The following DIP2B variants were observed in gnomAD, a reference collection of about 807,000 sequenced individuals.
DIP2B encodes DIP2 acetate--CoA ligase B (putative).
DIP2B carries 76 observed loss-of-function variants against 198.0 expected under a neutral mutation model. The observed-to-expected ratio is 0.38, with a 90% CI of 0.32 to 0.46. The LOEUF (loss-of-function observed/expected upper bound fraction) is 0.46. DIP2B is among the 20% of genes least tolerant of loss of function. DIP2B has a pLI of 0.99. For synonymous variants in DIP2B, 701 were observed against 739.1 expected (o/e 0.95, Z 0.84); for missense variants, 1,559 against 1,978.4 (o/e 0.79, Z 4.02).
chr12:50,513,082 A>G (rs1288876134), intron 1 of DIP2B, among the ~76,000 whole-genome samples: 1 of 152,204 alleles, frequency 6.6e-6, no homozygotes, highest in Non-Finnish European at 1.5e-5. Context: ...AGAAAAGCTG[A>G]GTATAGTATG....
intron 9 of DIP2B, among the ~76,000 whole-genome samples, chr12:50,682,628 CAAAAAAAAAA>C (rs58672851): frequency 7.1e-5 from 3 of 42,132 alleles, no homozygotes; most frequent in Admixed American, 2.9e-4. Context: ...GACTCTGTCT[CAAAAAAAAAA>C]AAAAAAAAAA....
chr12:50,693,465 A>G, intron 14 of DIP2B, among the ~76,000 whole-genome samples: 1 of 152,180 alleles, frequency 6.6e-6, no homozygotes, highest in East Asian at 1.9e-4. Context: ...CATGCCATAT[A>G]GGTGGAGAGA....
chr12:50,718,785 G>C lies in DIP2B; in HGVS notation c.2928G>C (p.Leu976=), dbSNP rs985904038. 8 of 1,614,046 alleles carry C rather than the reference G, an allele frequency of 5.0e-6. No individual in the cohort carries two copies. The African/African-American group carries it at 9.3e-5, about 19-fold the overall frequency. The change falls in exon 24 of 38, where the codon CTG becomes CTC. Residue 976 remains leucine (L), a synonymous_variant. Coordinates refer to ENST00000301180, the MANE Select transcript of DIP2B (RefSeq NM_173602.3). ...TAGCACAAGCTGCTGGAAGGGATCTGGGACAAATAGAAGAGAATGATTTGG... is the reference window on the plus strand; with the variant it reads ...TAGCACAAGCTGCTGGAAGGGATCTCGGACAAATAGAAGAGAATGATTTGG... ...KRIAQAAGRD[L]GQIEENDLVR...
chr12:50,631,156 A>C (rs111768681), intron 2 of DIP2B, among the ~76,000 whole-genome samples: 1 of 146,452 alleles, frequency 6.8e-6, no homozygotes, highest in Non-Finnish European at 1.5e-5. Flanking sequence ...ACAGGGTCTC[A>C]CTCTGTCGCC....
rs1937926893 is a variant in DIP2B, at chr12:50,626,015, A to G, written c.140A>G (p.Lys47Arg). 1.2e-6 allele frequency: 2 copies of G among 1,614,034 alleles called. No individual in the cohort carries two copies. The highest frequency in any genetic ancestry group is 1.3e-5 in the African/African-American group (1 of 74,928). Residue 47 changes from lysine (K) to arginine (R), a missense_variant, in exon 2 of 38, where the codon AAA (lysine) becomes AGA (arginine). Transcript: ENST00000301180. ...AAGGGCTATGAAAAGAAAAGGTCCA[A>G]ACTCCTATCTCCTTACAGCCCGCAG... ...TQKGYEKKRS[K>R]LLSPYSPQTQ... is the part of the protein sequence containing the mutation.
At chr12:50,552,251 T>C (rs148390176) in intron 1 of DIP2B, among the ~76,000 whole-genome samples, 87 of 152,066 alleles carry the variant, frequency 5.7e-4, no homozygotes, top group African/African-American at 2.1e-3. Context: ...TTTGTTGTTG[T>C]TGTTGAGTTA....
chr12:50,514,670 A>T (rs2139343791), intron 1 of DIP2B, among the ~76,000 whole-genome samples: 1 of 152,008 alleles, frequency 6.6e-6, no homozygotes, highest in African/African-American at 2.4e-5. Flanking sequence ...TTCAGCCTAT[A>T]CATTATGTTT....
intron 1 of DIP2B, among the ~76,000 whole-genome samples, chr12:50,584,497 G>A (rs1361781035): frequency 6.6e-6 from 1 of 152,122 alleles, no homozygotes; most frequent in Admixed American, 6.5e-5. Flanking sequence ...TTCCATTTTT[G>A]TCTCTTGTAT....
intron 28 of DIP2B, 143 bp from the exon 29 acceptor site, chr12:50,727,560 G>T: frequency 1.4e-6 from 1 of 710,240 alleles, no homozygotes; most frequent in Non-Finnish European, 2.5e-6. Context: ...AATGACATAT[G>T]TGAGCTACTT....
In DIP2B at chr12:50,697,133, C is replaced by T. The variant is rs1939326241; in HGVS notation, c.2006C>T (p.Pro669Leu). The change falls in exon 17 of 38, where the codon CCG becomes CTG. Residue 669 changes from proline (P) to leucine (L), a missense_variant. Pro to Leu is a moderately conservative substitution (Grantham distance 98). Transcript: ENST00000301180. ...SHGLKPEAIC[P>L]CATSAEAMTV... ...GGACTGAAGCCTGAGGCCATCTGTCCGTGCGCCACGTCTGCTGAAGCCATG... is the reference window on the plus strand; with the variant it reads ...GGACTGAAGCCTGAGGCCATCTGTCTGTGCGCCACGTCTGCTGAAGCCATG... The T allele has an allele frequency of 2.5e-6, 4 of 1,614,076 alleles. No individual in the cohort carries two copies. The highest frequency in any genetic ancestry group is 3.3e-5 in the Admixed American group (2 of 60,014).
chr12:50,534,806 C>G lies in DIP2B; in HGVS notation c.100+29566C>G, dbSNP rs1958249346. Among the ~76,000 whole-genome samples the G allele has an allele frequency of 3.9e-5, 6 of 152,200 alleles. No individual in the cohort carries two copies. The South Asian group carries it at 1.2e-3, about 31-fold the overall frequency. On this transcript the variant is annotated intron_variant, in intron 1 of 37. Transcript: ENST00000301180. ...TGTGACCTTGGGCAAGTCATTTAAC[C>G]TCTCCTATCCTTTGGGAGATGAAGT...
At chr12:50,574,159 A>G (rs1958638007) in intron 1 of DIP2B, among the ~76,000 whole-genome samples, 1 of 152,226 alleles carries the variant, frequency 6.6e-6, no homozygotes, top group Non-Finnish European at 1.5e-5. Flanking sequence ...TAAGACAGGA[A>G]ACTAATGTAA....
chr12:50,702,066 C>A (rs1939427088), intron 19 of DIP2B, among the ~76,000 whole-genome samples: 1 of 151,934 alleles, frequency 6.6e-6, no homozygotes, highest in South Asian at 2.1e-4. Context: ...GAGTTCAAGA[C>A]CAGCTGGGCA....
chr12:50,680,533 G>T, intron 8 of DIP2B, 139 bp from the exon 9 acceptor site: 1 of 701,416 alleles, frequency 1.4e-6, no homozygotes, highest in South Asian at 1.9e-5. Context: ...TGTGTTGGGG[G>T]TGAATGACAC....
intron 30 of DIP2B, among the ~76,000 whole-genome samples, chr12:50,729,889 C>CTGTAGTG (rs1940007916): frequency 2.0e-5 from 3 of 151,964 alleles, no homozygotes; most frequent in Non-Finnish European, 4.4e-5. Context: ...ACCACCACAC[C>CTGTAGTG]TGGCTAATTG....
intron 7 of DIP2B, among the ~76,000 whole-genome samples, chr12:50,675,754 A>T (rs1207131000): frequency 6.6e-6 from 1 of 152,200 alleles, no homozygotes; most frequent in Admixed American, 6.5e-5. Flanking sequence ...AGTTATTTAT[A>T]TTTGGCATTT....
chr12:50,625,313 A>G (rs1296679257), intron 1 of DIP2B, among the ~76,000 whole-genome samples: 1 of 152,004 alleles, frequency 6.6e-6, no homozygotes, highest in Non-Finnish European at 1.5e-5. Flanking sequence ...TCAACTACAG[A>G]TTTTCTCCTG....
At chr12:50,685,777 G>A (rs1436201789) in intron 10 of DIP2B, 56 bp from the exon 11 acceptor site, 5 of 1,573,238 alleles carry the variant, frequency 3.2e-6, no homozygotes, top group Non-Finnish European at 4.3e-6. Flanking sequence ...TCAGATATGG[G>A]CATGAGTGTG....
In DIP2B at chr12:50,513,721, C is replaced by T. The variant is rs569698364; in HGVS notation, c.100+8481C>T. On this transcript the variant is annotated intron_variant, in intron 1 of 37. Coordinates refer to ENST00000301180, the MANE Select transcript of DIP2B (RefSeq NM_173602.3). ...AAACCCCGTCTCTACTAAAAATACA[C>T]AAACTAGCCGGGCATGGTGGCAGGC... Among the ~76,000 whole-genome samples, 717 of 152,010 alleles carry T rather than the reference C, an allele frequency of 4.7e-3. 9 individuals are homozygous for T. The highest frequency in any genetic ancestry group is 0.016 in the African/African-American group (679 of 41,476).
Sources: gnomAD v4.1 joint callset for allele counts (sites outside exome capture counted in the v4.1 genomes callset) on GRCh38, gnomAD v4.1.1 for gene constraint, MANE v1.5 for transcripts, NCBI Gene and HGNC (gene_info 2026-07-23, HGNC 2026-07-21) for gene names.